MAPK10: variants seen among roughly 807,000 people sequenced by gnomAD.
The protein encoded by MAPK10 is mitogen-activated protein kinase 10.
MAPK10 carries 25 observed loss-of-function variants against 59.3 expected under a neutral mutation model. That is an observed-to-expected ratio of 0.42 (90% CI 0.31 to 0.59). The LOEUF is 0.59. MAPK10 is among the 20% of genes least tolerant of loss of function. The pLI, the probability that MAPK10 is intolerant of heterozygous loss-of-function variation, is 0.15. For missense variants in MAPK10, 351 were observed against 568.9 expected (o/e 0.62, Z 3.90); for synonymous variants, 190 against 200.5 (o/e 0.95, Z 0.44).
chr4:86,487,718 G>A (rs551480040), intron 1 of MAPK10, among the ~76,000 whole-genome samples: 3 of 140,536 alleles, frequency 2.1e-5, no homozygotes, highest in Admixed American at 7.4e-5. Flanking sequence ...GCAACAGCAC[G>A]AGACTCTGTC....
chr4:86,103,208 T>C lies in MAPK10; in HGVS notation c.403A>G (p.Thr135Ala). The C allele has an allele frequency of 6.2e-7, 1 of 1,608,886 alleles. No homozygotes were observed. Among genetic ancestry groups the C allele is most frequent in the Non-Finnish European group, 8.5e-7 (1 of 1,176,020 alleles). ...SLLNVFTPQK[T>A]LEEFQDVYLV... ...TACACATCTTGGAACTCCTCCAGCG[T>C]TTTCTGGGGTGTGAAGACATTTAAT... Residue 135 changes from threonine to alanine, a missense_variant, in exon 6 of 14, where the codon ACG becomes GCG. Thr to Ala is a moderately conservative substitution (Grantham distance 58). Coordinates refer to ENST00000641462, the MANE Select transcript of MAPK10 (RefSeq NM_138982.4).
At chr4:86,378,126 A>T (rs992436909) in intron 1 of MAPK10, among the ~76,000 whole-genome samples, 4 of 152,156 alleles carry the variant, frequency 2.6e-5, no homozygotes, top group African/African-American at 9.7e-5. Flanking sequence ...GATAACTTAT[A>T]TTACACCATG....
intron 2 of MAPK10, chr4:86,268,395 T>C (rs761886986): frequency 3.3e-5 from 5 of 152,144 alleles, no homozygotes; most frequent in African/African-American, 4.8e-5. Context: ...AGTCTTAATG[T>C]CCACACAGCA....
chr4:86,439,650 A>T (rs955346722), intron 1 of MAPK10, among the ~76,000 whole-genome samples: 2 of 152,232 alleles, frequency 1.3e-5, no homozygotes, highest in Admixed American at 6.5e-5. Flanking sequence ...TGTATGTTTA[A>T]TGTTAAAGAA....
intron 2 of MAPK10, among the ~76,000 whole-genome samples, chr4:86,280,782 G>A (rs539826254): frequency 2.0e-5 from 3 of 152,138 alleles, no homozygotes; most frequent in Middle Eastern, 3.4e-3. Context: ...GAACAAAATC[G>A]TGTCCTTTGC....
intron 2 of MAPK10, chr4:86,268,333 T>G (rs1259053548): frequency 6.6e-6 from 1 of 152,274 alleles, no homozygotes; most frequent in African/African-American, 2.4e-5. Context: ...TTCCAACCTT[T>G]ATCATCTTTC....
At chr4:86,208,918 T>C (rs905888360) in intron 2 of MAPK10, among the ~76,000 whole-genome samples, 4 of 152,086 alleles carry the variant, frequency 2.6e-5, no homozygotes, top group Non-Finnish European at 5.9e-5. Context: ...ATACCTAATG[T>C]TGTCAACTTT....
At chr4:86,170,113 A>C (rs1426147833) in intron 3 of MAPK10, among the ~76,000 whole-genome samples, 1 of 152,094 alleles carries the variant, frequency 6.6e-6, no homozygotes, top group Non-Finnish European at 1.5e-5. Context: ...ATCATGCCAA[A>C]ATGTAAAGAC....
intron 1 of MAPK10, among the ~76,000 whole-genome samples, chr4:86,461,303 G>A (rs1021059433): frequency 7.2e-5 from 11 of 152,196 alleles, no homozygotes; most frequent in Non-Finnish European, 1.5e-4. Context: ...ATCCAGAAAG[G>A]CGGGACAACT....
intron 4 of MAPK10, among the ~76,000 whole-genome samples, chr4:86,155,384 T>G (rs966224761): frequency 6.6e-6 from 1 of 151,766 alleles, no homozygotes; most frequent in African/African-American, 2.4e-5. Context: ...ATATTTAAAA[T>G]GACATATATG....
intron 1 of MAPK10, among the ~76,000 whole-genome samples, chr4:86,553,426 A>G: frequency 6.6e-6 from 1 of 152,172 alleles, no homozygotes; most frequent in East Asian, 1.9e-4. Flanking sequence ...TTTTGGTTGT[A>G]CCATGAACAG....
intron 3 of MAPK10, among the ~76,000 whole-genome samples, chr4:86,175,802 T>C (rs980324768): frequency 1.8e-4 from 28 of 152,280 alleles, no homozygotes; most frequent in Non-Finnish European, 1.2e-4. Context: ...GACTAATACA[T>C]GAAGCATATC....
intron 1 of MAPK10, among the ~76,000 whole-genome samples, chr4:86,514,507 G>T (rs1312881113): frequency 1.3e-5 from 2 of 152,006 alleles, no homozygotes; most frequent in African/African-American, 4.8e-5. Context: ...CTTTTAGAGA[G>T]TCCCCTCTAT....
At chr4:86,339,846 T>C (rs981498637) in intron 2 of MAPK10, among the ~76,000 whole-genome samples, 1 of 152,208 alleles carries the variant, frequency 6.6e-6, no homozygotes, top group African/African-American at 2.4e-5. Context: ...ATAAGGATTA[T>C]AAAAAATGAT....
intron 2 of MAPK10, among the ~76,000 whole-genome samples, chr4:86,304,638 C>T (rs940063792): frequency 6.6e-6 from 1 of 151,618 alleles, no homozygotes; most frequent in Non-Finnish European, 1.5e-5. Flanking sequence ...GTGATCCGCC[C>T]GCCTCGGCCT....
intron 13 of MAPK10, chr4:86,025,152 T>G: frequency 5.5e-6 from 1 of 181,378 alleles, no homozygotes; most frequent in East Asian, 1.3e-4. Context: ...TCTGCATCCA[T>G]TGATGTTACA....
At chr4:86,133,729 G>C (rs1485213619) in intron 4 of MAPK10, among the ~76,000 whole-genome samples, 1 of 152,166 alleles carries the variant, frequency 6.6e-6, no homozygotes, top group East Asian at 1.9e-4. Context: ...CATCTTGCTG[G>C]TGGCTCCAAC....
At chr4:86,045,980 A>G (rs903071781) in intron 11 of MAPK10, among the ~76,000 whole-genome samples, 1 of 151,734 alleles carries the variant, frequency 6.6e-6, no homozygotes, top group African/African-American at 2.4e-5. Flanking sequence ...TATCATCAAC[A>G]TTTACTTATT....
intron 9 of MAPK10, among the ~76,000 whole-genome samples, chr4:86,070,105 A>G (rs1308129265): frequency 6.6e-6 from 1 of 152,236 alleles, no homozygotes; most frequent in African/African-American, 2.4e-5. Context: ...GTTTACAAAA[A>G]GAAGGGTGGC....
Sources: allele counts gnomAD v4.1 joint callset (sites outside exome capture counted in the v4.1 genomes callset), GRCh38; gene constraint gnomAD v4.1.1; transcripts MANE v1.5; gene names NCBI Gene and HGNC (gene_info 2026-07-23, HGNC 2026-07-21).